ABI2: variants seen among roughly 807,000 people sequenced by gnomAD.
ABI2 encodes the protein abelson interactor 2.
ABI2 carries 25 observed loss-of-function variants against 59.2 expected under a neutral mutation model. The ratio of observed to expected loss-of-function variants is 0.42; its 90% CI spans 0.31 to 0.59. The LOEUF (loss-of-function observed/expected upper bound fraction) is 0.59, where lower values mean the gene tolerates loss of function less well. ABI2 is among the 20% of genes least tolerant of loss of function. The probability of loss-of-function intolerance (pLI) is 0.14; values close to 1 mark genes in which losing one functional copy is unlikely to be tolerated. For missense variants in ABI2, 545 were observed against 681.8 expected, an observed-to-expected ratio of 0.80 and a Z score of 2.23; for synonymous variants, 213 against 235.5, an observed-to-expected ratio of 0.90 and a Z score of 0.87.
chr2:203,372,172 C>A (rs1169266545), intron 2 of ABI2, among the ~76,000 whole-genome samples: 1 of 151,870 alleles, frequency 6.6e-6, no homozygotes, highest in African/African-American at 2.4e-5. Flanking sequence ...TAACAAAGCA[C>A]ATCTTGCACC....
intron 9 of ABI2, among the ~76,000 whole-genome samples, chr2:203,405,782 G>A (rs1007338112): frequency 1.3e-5 from 2 of 151,998 alleles, no homozygotes; most frequent in Non-Finnish European, 2.9e-5. Context: ...ATCTTTGGAA[G>A]GTTTCATGTG....
At chr2:203,385,152 T>TTTTTTTTA (rs71007511) in intron 4 of ABI2, among the ~76,000 whole-genome samples, 4 of 51,884 alleles carry the variant, frequency 7.7e-5, no homozygotes, top group Non-Finnish European at 1.7e-4. Flanking sequence ...TTTTTTTTTT[T>TTTTTTTTA]GAGACAGTCT....
intron 1 of ABI2, chr2:203,351,547 T>C (rs911266544): frequency 4.6e-6 from 2 of 430,296 alleles, no homozygotes; most frequent in South Asian, 3.4e-5. Context: ...TTTTTTTTTT[T>C]CCTTTAGAGA....
intron 1 of ABI2, among the ~76,000 whole-genome samples, chr2:203,345,575 A>G (rs181472311): frequency 4.1e-4 from 63 of 151,986 alleles, no homozygotes; most frequent in African/African-American, 1.4e-3. Context: ...CATGCCAGCT[A>G]ATTTGGTATT....
At chr2:203,394,576 G>C in intron 5 of ABI2, 124 bp from the exon 6 acceptor site, 1 of 911,072 alleles carries the variant, frequency 1.1e-6, no homozygotes, top group Non-Finnish European at 1.7e-6. Context: ...ATTGGTAGCT[G>C]GGTTATGTTA....
intron 1 of ABI2, among the ~76,000 whole-genome samples, chr2:203,366,195 T>A (rs935524213): frequency 2.0e-5 from 3 of 152,176 alleles, no homozygotes; most frequent in African/African-American, 7.2e-5. Flanking sequence ...GGCTCATGCC[T>A]GTAATCCCGG....
rs1249873562 is a variant in ABI2, at chr2:203,357,913, T to A, written c.118-8964T>A. The stretch of plus-strand genomic sequence containing the variant: ...CCTCCCAAGTAGCTGGGACTACAGG[T>A]GTGGACCACCACACCTGGCTAATTT... On this transcript the variant is annotated intron_variant, in intron 1 of 11. Coordinates refer to ENST00000261018, the MANE Select transcript of ABI2 (RefSeq NM_001375670.1). Among the ~76,000 whole-genome samples, 6 of 151,436 alleles carry A rather than the reference T, an allele frequency of 4.0e-5. No homozygotes were observed. In the East Asian group the frequency reaches 1.2e-3, roughly 29 times the overall value.
At chr2:203,399,618 C>A (rs537687024) in intron 8 of ABI2, among the ~76,000 whole-genome samples, 1 of 152,126 alleles carries the variant, frequency 6.6e-6, no homozygotes. Context: ...CGGGTTCAAG[C>A]GATTCTCCTG....
chr2:203,398,894 T>C (rs2097110852), intron 8 of ABI2, among the ~76,000 whole-genome samples: 1 of 152,224 alleles, frequency 6.6e-6, no homozygotes, highest in African/African-American at 2.4e-5. Context: ...TTACATTTTA[T>C]TGCTTAGTAG....
intron 4 of ABI2, among the ~76,000 whole-genome samples, chr2:203,388,188 G>A (rs900977946): frequency 2.6e-5 from 4 of 152,026 alleles, no homozygotes; most frequent in South Asian, 2.1e-4. Flanking sequence ...TTTCACACGG[G>A]AAAAGCTGCC....
intron 8 of ABI2, among the ~76,000 whole-genome samples, chr2:203,398,136 C>T (rs889001581): frequency 2.0e-5 from 3 of 152,202 alleles, no homozygotes; most frequent in Non-Finnish European, 4.4e-5. Context: ...TTAAAAGACA[C>T]TTTTAGCCAA....
chr2:203,333,263 A>G lies in ABI2; in HGVS notation c.117+4632A>G, dbSNP rs552670339. 5.9e-5 allele frequency among the ~76,000 whole-genome samples: 9 copies of G among 152,348 alleles called. No homozygotes were observed. The South Asian group carries it at 1.7e-3, about 28-fold the overall frequency. On this transcript the variant is annotated intron_variant, in intron 1 of 11. Transcript: ENST00000261018. ...AAAATTGCCCGATCATCTTGAATAT[A>G]TATCTGGTACTCATACTTTTAAATA...
intron 1 of ABI2, among the ~76,000 whole-genome samples, chr2:203,339,826 C>G (rs2078829496): frequency 6.6e-6 from 1 of 152,164 alleles, no homozygotes; most frequent in African/African-American, 2.4e-5. Context: ...AGTTCTCCTT[C>G]AGTCTACATG....
intron 11 of ABI2, among the ~76,000 whole-genome samples, chr2:203,426,409 G>A (rs1431302508): frequency 6.6e-6 from 1 of 152,174 alleles, no homozygotes; most frequent in Non-Finnish European, 1.5e-5. Context: ...TTATCTGGTT[G>A]AAATAAGATA....
At chr2:203,343,984 A>G (rs1257177116) in intron 1 of ABI2, among the ~76,000 whole-genome samples, 1 of 151,692 alleles carries the variant, frequency 6.6e-6, no homozygotes, top group Admixed American at 6.6e-5. Flanking sequence ...AATTACAGAA[A>G]TTAGCTGGAT....
intron 4 of ABI2, 110 bp from the exon 5 acceptor site, chr2:203,390,936 C>T (rs2096720885): frequency 1.0e-5 from 8 of 780,530 alleles, no homozygotes; most frequent in Admixed American, 4.5e-5. Context: ...TAATTTTTTT[C>T]CCTTTATTTA....
intron 1 of ABI2, among the ~76,000 whole-genome samples, chr2:203,345,377 A>G (rs1488759338): frequency 5.9e-5 from 9 of 152,120 alleles, no homozygotes; most frequent in Admixed American, 5.9e-4. Flanking sequence ...CGGACACACC[A>G]TCTTTAAGAA....
intron 5 of ABI2, 131 bp downstream of exon 5, chr2:203,391,274 A>G: frequency 1.8e-6 from 1 of 557,642 alleles, no homozygotes; most frequent in Non-Finnish European, 2.9e-6. Context: ...GTTTGTGTGT[A>G]TAACTTCCTC....
chr2:203,331,151 T>C (rs1308224386), intron 1 of ABI2, among the ~76,000 whole-genome samples: 1 of 152,104 alleles, frequency 6.6e-6, no homozygotes, highest in Admixed American at 6.5e-5. Flanking sequence ...AGGTATATAA[T>C]TGGTACACTC....
Sources: gnomAD v4.1 joint callset for allele counts (sites outside exome capture counted in the v4.1 genomes callset) on GRCh38, gnomAD v4.1.1 for gene constraint, MANE v1.5 for transcripts, NCBI Gene and HGNC (gene_info 2026-07-23, HGNC 2026-07-21) for gene names.